The following CADM2 variants were observed in gnomAD, a reference collection of about 807,000 sequenced individuals.
CADM2 encodes the protein immunoglobulin superfamily member 4D.
A neutral mutation model predicts 49.8 loss-of-function variants in CADM2; 12 were observed. The observed-to-expected ratio is 0.24, with a 90% confidence interval of 0.15 to 0.39. The LOEUF is 0.39. CADM2 is among the 10% of genes least tolerant of loss of function. The pLI is 1.00. For synonymous variants in CADM2, 214 were observed against 175.4 expected (o/e 1.22, Z -1.74); for missense variants, 378 against 492.3 (o/e 0.77, Z 2.20).
At chr3:85,913,960 T>G (rs536006003) in intron 6 of CADM2, among the ~76,000 whole-genome samples, 1 of 152,138 alleles carries the variant, frequency 6.6e-6, no homozygotes, top group South Asian at 2.1e-4. Flanking sequence ...GAGACTGGAG[T>G]AGAGTAGACT....
At chr3:85,319,879 A>C (rs2044557472) in intron 1 of CADM2, among the ~76,000 whole-genome samples, 1 of 152,170 alleles carries the variant, frequency 6.6e-6, no homozygotes, top group Non-Finnish European at 1.5e-5. Context: ...ATGTGACATG[A>C]GCTGTTCTAT....
At chr3:85,532,051 C>G (rs1463124151) in intron 1 of CADM2, among the ~76,000 whole-genome samples, 3 of 152,130 alleles carry the variant, frequency 2.0e-5, no homozygotes, top group Admixed American at 1.3e-4. Flanking sequence ...GTGGCGGGAG[C>G]CTGTAGTCCC....
chr3:85,813,185 A>G (rs2072993216), intron 3 of CADM2, among the ~76,000 whole-genome samples: 1 of 152,124 alleles, frequency 6.6e-6, no homozygotes, highest in Non-Finnish European at 1.5e-5. Context: ...AAGCATTCCT[A>G]TTTCTCCACA....
chr3:85,299,148 C>A lies in CADM2; in HGVS notation c.61+339480C>A, dbSNP rs554615536. 2.8e-3 allele frequency among the ~76,000 whole-genome samples: 427 copies of A among 152,042 alleles called. 2 individuals are homozygous for A. The highest frequency in any genetic ancestry group is 9.8e-3 in the African/African-American group (408 of 41,512). On this transcript the variant is annotated intron_variant, in intron 1 of 9. Transcript: ENST00000383699. ...GTGTCTAAAGAAACAAATAAAAAAT[C>A]ATTTAAAAAACTTGAGAGCTTTTAT...
At chr3:85,530,820 G>A (rs567882651) in intron 1 of CADM2, among the ~76,000 whole-genome samples, 1 of 149,368 alleles carries the variant, frequency 6.7e-6, no homozygotes, top group Admixed American at 6.7e-5. Flanking sequence ...TTGTGTCTTA[G>A]CAATTAAAAT....
At chr3:85,139,138 C>T (rs1274019715) in intron 1 of CADM2, among the ~76,000 whole-genome samples, 1 of 152,110 alleles carries the variant, frequency 6.6e-6, no homozygotes, top group Non-Finnish European at 1.5e-5. Flanking sequence ...TCTTTCTGTT[C>T]CTATTGGTCT....
chr3:86,039,179 G>A (rs1735531923), intron 8 of CADM2, among the ~76,000 whole-genome samples: 1 of 152,096 alleles, frequency 6.6e-6, no homozygotes, highest in African/African-American at 2.4e-5. Context: ...GTCCAACTGT[G>A]GTACTGGGTT....
At chr3:85,973,870 G>T (rs1049319332) in intron 8 of CADM2, among the ~76,000 whole-genome samples, 5 of 151,560 alleles carry the variant, frequency 3.3e-5, no homozygotes, top group African/African-American at 1.2e-4. Context: ...AAAGTACAAT[G>T]GGTGGTGAAA....
At chr3:85,941,492 A>G (rs1252044254) in intron 7 of CADM2, among the ~76,000 whole-genome samples, 2 of 152,084 alleles carry the variant, frequency 1.3e-5, no homozygotes, top group African/African-American at 4.8e-5. Context: ...TTAAATAATA[A>G]TAGTTATAAA....
intron 1 of CADM2, among the ~76,000 whole-genome samples, chr3:85,399,948 A>T (rs1327974327): frequency 2.0e-5 from 3 of 152,104 alleles, no homozygotes; most frequent in Non-Finnish European, 4.4e-5. Flanking sequence ...TTCCTAATTG[A>T]ATACCCTTTA....
chr3:85,305,167 T>C (rs1033418963), intron 1 of CADM2, among the ~76,000 whole-genome samples: 2 of 151,620 alleles, frequency 1.3e-5, no homozygotes, highest in Admixed American at 6.6e-5. Context: ...ACTTTTCTAA[T>C]AGGAAATATG....
At chr3:85,483,493 T>C (rs1186711071) in intron 1 of CADM2, among the ~76,000 whole-genome samples, 2 of 151,084 alleles carry the variant, frequency 1.3e-5, no homozygotes, top group Non-Finnish European at 1.5e-5. Context: ...ACTTTGAGAA[T>C]TGACTTAATT....
At chr3:85,857,899 A>G (rs2075376924) in intron 3 of CADM2, among the ~76,000 whole-genome samples, 1 of 152,226 alleles carries the variant, frequency 6.6e-6, no homozygotes, top group South Asian at 2.1e-4. Context: ...TGCCATCCAG[A>G]GCAAAACAAA....
intron 1 of CADM2, among the ~76,000 whole-genome samples, chr3:85,696,360 T>G (rs1019920231): frequency 1.3e-5 from 2 of 152,092 alleles, no homozygotes; most frequent in Non-Finnish European, 2.9e-5. Flanking sequence ...TCCAGACAAG[T>G]TTCTCCTAAG....
chr3:85,911,949 A>T (rs1053271084), intron 5 of CADM2, among the ~76,000 whole-genome samples: 5 of 144,646 alleles, frequency 3.5e-5, no homozygotes, highest in Admixed American at 6.9e-5. Flanking sequence ...TTATTTATTA[A>T]TTTTTTTTTT....
chr3:86,058,320 C>T (rs1046053434), intron 8 of CADM2, among the ~76,000 whole-genome samples: 1 of 152,096 alleles, frequency 6.6e-6, no homozygotes, highest in African/African-American at 2.4e-5. Context: ...GCAGCTTATA[C>T]GTTCCAACTC....
At chr3:85,915,489 A>G (rs10084716) in intron 6 of CADM2, among the ~76,000 whole-genome samples, 106,415 of 151,928 alleles carry the variant, frequency 0.7, 38,842 homozygotes, top group African/African-American at 0.92. Flanking sequence ...TGAGTAGAGG[A>G]TGGAAAGGAG....
intron 1 of CADM2, among the ~76,000 whole-genome samples, chr3:85,389,570 A>G (rs2034419557): frequency 6.6e-6 from 1 of 152,140 alleles, no homozygotes; most frequent in African/African-American, 2.4e-5. Context: ...TTCAAATTCA[A>G]GTCCCAATCT....
At chr3:85,915,094 A>G (rs1342603800) in intron 6 of CADM2, among the ~76,000 whole-genome samples, 1 of 152,086 alleles carries the variant, frequency 6.6e-6, no homozygotes, top group East Asian at 1.9e-4. Context: ...ATTTTAGCCT[A>G]TATGTCAGCT....
Sources: gnomAD v4.1 joint callset for allele counts (sites outside exome capture counted in the v4.1 genomes callset) on GRCh38, gnomAD v4.1.1 for gene constraint, MANE v1.5 for transcripts, NCBI Gene and HGNC (gene_info 2026-07-23, HGNC 2026-07-21) for gene names.